The following POU2F2 variants were observed in gnomAD, a reference collection of about 807,000 sequenced individuals.
POU2F2 encodes POU class 2 homeobox 2, also known as POU domain, class 2, transcription factor 2.
In POU2F2, 14 loss-of-function variants were observed where a neutral mutation model predicts 63.5. That is an observed-to-expected ratio of 0.22 (90% CI 0.15 to 0.34). The LOEUF (loss-of-function observed/expected upper bound fraction) is 0.34. POU2F2 is among the 10% of genes least tolerant of loss of function. The probability of loss-of-function intolerance (pLI) is 1.00; values close to 1 mark genes in which losing one functional copy is unlikely to be tolerated. For missense variants in POU2F2, 607 were observed against 815.2 expected (o/e 0.74, Z 3.11); for synonymous variants, 306 against 348.6 (o/e 0.88, Z 1.36).
intron 1 of POU2F2, among the ~76,000 whole-genome samples, chr19:42,193,215 C>T (rs574680329): frequency 8.8e-6 from 1 of 113,456 alleles, no homozygotes; most frequent in East Asian, 2.5e-4. Context: ...GAGACTCCGT[C>T]TCAAAAAAAA....
intron 1 of POU2F2, among the ~76,000 whole-genome samples, chr19:42,189,053 T>C (rs763345663): frequency 2.6e-5 from 4 of 151,954 alleles, no homozygotes; most frequent in Non-Finnish European, 5.9e-5. Flanking sequence ...AGATGAAAAA[T>C]GTACTTGGAT....
chr19:42,187,088 C>T (rs1021927901), intron 1 of POU2F2, among the ~76,000 whole-genome samples: 23 of 152,132 alleles, frequency 1.5e-4, no homozygotes, highest in Admixed American at 5.9e-4. Context: ...AATCACGAGT[C>T]GATGATGTCC....
At chr19:42,197,088 G>GCCCAAACACAGGTAAC (rs1459542749), upstream of POU2F2, among the ~76,000 whole-genome samples, 1 of 152,202 alleles carries the variant, frequency 6.6e-6, no homozygotes, top group Non-Finnish European at 1.5e-5. Flanking sequence ...GTAATTGGGA[G>GCCCAAACACAGGTAAC]CCCAAACACA....
intron 5 of POU2F2, among the ~76,000 whole-genome samples, chr19:42,103,918 C>A (rs2052207570): frequency 6.7e-6 from 1 of 148,196 alleles, no homozygotes; most frequent in South Asian, 2.2e-4. Flanking sequence ...CAGGCATGAG[C>A]CACCCTGCCC....
At chr19:42,105,169 G>A (rs1001611584) in intron 5 of POU2F2, among the ~76,000 whole-genome samples, 1 of 152,086 alleles carries the variant, frequency 6.6e-6, no homozygotes, top group Non-Finnish European at 1.5e-5. Flanking sequence ...CCTAATTTTT[G>A]TTTCAAACAT....
At chr19:42,139,795 C>T (rs1443489412) in intron 2 of POU2F2, among the ~76,000 whole-genome samples, 8 of 152,170 alleles carry the variant, frequency 5.3e-5, no homozygotes, top group Admixed American at 2.0e-4. Flanking sequence ...GATGGACTGA[C>T]GGCTCAACTG....
Position 42,096,364 on chromosome 19 carries a change from C to A in POU2F2, c.568-121G>T. 1 of 1,027,756 alleles carries A rather than the reference C, an allele frequency of 9.7e-7. No homozygotes were observed. The highest frequency in any genetic ancestry group is 1.7e-5 in the South Asian group (1 of 60,138). The allele number at this position is 1,027,756 out of a possible 1,614,324, so 63.7% of individuals were successfully genotyped here. On this transcript the variant is annotated intron_variant, in intron 7 of 14. Transcript: ENST00000692977. This position sits in a 1 kb window ranked among gnomAD's most constrained non-coding sequence, Gnocchi z 4.1. ...GCGTTCCATCCGCCGCCTGCAGACT[C>A]CCCCCGCCTTCCTCCACAAGCACCG...
chr19:42,160,731 C>T (rs888187009), intron 1 of POU2F2, among the ~76,000 whole-genome samples: 1 of 152,140 alleles, frequency 6.6e-6, no homozygotes, highest in Non-Finnish European at 1.5e-5. Flanking sequence ...GAGGGCCTGG[C>T]AAATTTGAGA....
intron 5 of POU2F2, chr19:42,110,890 T>G (rs2030980075): frequency 2.8e-6 from 1 of 353,520 alleles, no homozygotes; most frequent in South Asian, 2.2e-5. Context: ...TTCTTATCTG[T>G]AAAATGGGGA....
intron 5 of POU2F2, among the ~76,000 whole-genome samples, chr19:42,105,154 C>T (rs563496970): frequency 6.6e-6 from 1 of 152,274 alleles, no homozygotes; most frequent in East Asian, 1.9e-4. Context: ...TTTCAAGGCC[C>T]CATACCTAAT....
intron 1 of POU2F2, among the ~76,000 whole-genome samples, chr19:42,166,670 G>A (rs2034657671): frequency 6.6e-6 from 1 of 152,094 alleles, no homozygotes; most frequent in East Asian, 1.9e-4. Flanking sequence ...GAGTAAGGAG[G>A]AGTTGATTGG....
chr19:42,168,339 G>A (rs2034693358), intron 1 of POU2F2, among the ~76,000 whole-genome samples: 1 of 152,148 alleles, frequency 6.6e-6, no homozygotes, highest in Admixed American at 6.5e-5. Context: ...TGGTTATGTG[G>A]TGCGCCCTGA....
chr19:42,114,838 G>C (rs1032231451), intron 5 of POU2F2, among the ~76,000 whole-genome samples: 4 of 152,190 alleles, frequency 2.6e-5, no homozygotes, highest in African/African-American at 9.6e-5. Flanking sequence ...TCAAGAGCCA[G>C]GTATTGAAAG....
rs201081622 is a variant in POU2F2 at position 42,188,905 on chromosome 19, GAGGAAGGA to G, written c.-70+7470_-70+7477del. Among the ~76,000 whole-genome samples, 834 of 86,240 alleles carry G rather than the reference GAGGAAGGA, an allele frequency of 9.7e-3. 17 individuals are homozygous for G. Among genetic ancestry groups the G allele is most frequent in the African/African-American group, 0.028 (774 of 27,224 alleles). 56.6% of individuals were successfully genotyped at this position (86,240 alleles called of 152,430 possible). ...GAGGAAGGAAGGGAGGAAGAGAAGAGAGGAAGGAAGGAAGGAAGGAAGGAAGGAAGGAA... is the reference window on the plus strand; with the variant it reads ...GAGGAAGGAAGGGAGGAAGAGAAGAGAGGAAGGAAGGAAGGAAGGAAGGAA... On this transcript the variant is annotated intron_variant, in intron 1 of 5. Coordinates refer to the POU2F2 transcript ENST00000532176.
intron 1 of POU2F2, among the ~76,000 whole-genome samples, chr19:42,165,842 T>C (rs966087478): frequency 3.9e-5 from 6 of 152,000 alleles, no homozygotes; most frequent in Non-Finnish European, 8.8e-5. Context: ...ATGCTGTGAG[T>C]AGTAAGTGAA....
chr19:42,144,944 T>A (rs2034200777), intron 2 of POU2F2, among the ~76,000 whole-genome samples: 2 of 152,192 alleles, frequency 1.3e-5, no homozygotes, highest in South Asian at 4.1e-4. Flanking sequence ...CAAAAGCAAC[T>A]GAGGATGGCT....
chr19:42,143,177 A>T (rs964567317), intron 2 of POU2F2, among the ~76,000 whole-genome samples: 2 of 152,136 alleles, frequency 1.3e-5, no homozygotes, highest in Non-Finnish European at 2.9e-5. Context: ...AGCCTGGCCA[A>T]CATGGTGAAA....
chr19:42,111,221 G>A (rs973596831), intron 5 of POU2F2, among the ~76,000 whole-genome samples: 6 of 151,904 alleles, frequency 3.9e-5, no homozygotes, highest in Non-Finnish European at 8.8e-5. Context: ...ATGCTCAAGC[G>A]ATCCTCCTGC....
In POU2F2 at chr19:42,091,417, G is replaced by C; in HGVS notation, c.1715C>G (p.Ala572Gly). ...STPPGVGLVS[A>G]AAAAVAASIS... Reference sequence around the variant, plus strand: ...GGAGGCTGCCACAGCCGCAGCCGCTGCTGAGACCAGGCCCACACCAGGCGG... The same window carrying C: ...GGAGGCTGCCACAGCCGCAGCCGCTCCTGAGACCAGGCCCACACCAGGCGG... Residue 572 changes from alanine (A) to glycine (G), a missense_variant, in exon 15 of 15, where the codon GCA (alanine) becomes GGA (glycine). Physicochemically the swap from Ala to Gly is moderately conservative, Grantham distance 60 (BLOSUM62 0). Transcript: ENST00000692977. 1 of 1,549,100 alleles carries C rather than the reference G, an allele frequency of 6.5e-7. No homozygotes were observed. Among genetic ancestry groups the C allele is most frequent in the South Asian group, 1.2e-5 (1 of 84,042 alleles).
Sources: gnomAD v4.1 joint callset for allele counts (sites outside exome capture counted in the v4.1 genomes callset) on GRCh38, gnomAD v4.1.1 for gene constraint, Gnocchi (gnomAD v3.1) non-coding constraint, MANE v1.5 for transcripts, NCBI Gene and HGNC (gene_info 2026-07-23, HGNC 2026-07-21) for gene names.